Variants in LRRTM2 observed in about 807,000 individuals in gnomAD.
LRRTM2 encodes leucine rich repeat transmembrane neuronal 2, also known as leucine-rich repeat transmembrane neuronal protein 2.
LRRTM2 carries 14 observed loss-of-function variants against 40.7 expected under a neutral mutation model. The observed-to-expected ratio is 0.34, with a 90% confidence interval of 0.23 to 0.54. The LOEUF (loss-of-function observed/expected upper bound fraction) is 0.54. Among genes scored for constraint, LRRTM2 ranks in the 20% least tolerant of loss-of-function variants. LRRTM2 has a pLI of 0.92. For missense variants in LRRTM2, 468 were observed against 624.4 expected, an observed-to-expected ratio of 0.75 and a Z score of 2.67; for synonymous variants, 223 against 237.6, an observed-to-expected ratio of 0.94 and a Z score of 0.57.
rs370092949 is a variant in LRRTM2 at position 138,874,411 on chromosome 5, C to G, written c.150G>C (p.Gln50His). Reference protein sequence around the residue: ...CEKLLFYCDSQGFHSVPNATD... With the variant: ...CEKLLFYCDSHGFHSVPNATD... ...TGGCGTTTGGCACTGAGTGGAAGCC[C>G]TGAGAGTCGCAGTAGAAGAGCAGCT... The change falls in exon 2 of 2, where the codon CAG becomes CAC. Residue 50 changes from glutamine (Q) to histidine (H), a missense_variant. Transcript: ENST00000274711. This position sits in a 1 kb window ranked among gnomAD's most constrained non-coding sequence, Gnocchi z 4.1. 78 of 1,613,792 alleles carry G rather than the reference C, an allele frequency of 4.8e-5. No individual in the cohort carries two copies. The highest frequency in any genetic ancestry group is 6.4e-5 in the Non-Finnish European group (76 of 1,179,876).
At position 138,873,601 on chromosome 5, in the gene LRRTM2, A is replaced by G. The variant is rs1750914093; in HGVS notation, c.960T>C (p.Cys320=). 11 of 1,613,896 alleles carry G rather than the reference A, an allele frequency of 6.8e-6. No individual in the cohort carries two copies. The highest frequency in any genetic ancestry group is 9.3e-6 in the Non-Finnish European group (11 of 1,179,898). The change falls in exon 2 of 2, where the codon TGT becomes TGC. Residue 320 remains cysteine, a synonymous_variant. Coordinates refer to ENST00000274711, the MANE Select transcript of LRRTM2 (RefSeq NM_015564.3). The surrounding 1 kb of genome is among the most constrained non-coding windows in gnomAD (Gnocchi z 6.1). ...AACTGCCCAGCCAGGAGGCCAGAGCACATATTCGGGCGCTGCATTCCCACA... is the reference window on the plus strand; with the variant it reads ...AACTGCCCAGCCAGGAGGCCAGAGCGCATATTCGGGCGCTGCATTCCCACA... The part of the protein sequence containing the change: ...GNLWECSARI[C]ALASWLGSFQ...
At position 138,871,989 on chromosome 5, in the gene LRRTM2, G is replaced by A. The variant is rs1489223011; in HGVS notation, c.*1021C>T. 1 of 151,146 alleles carries A rather than the reference G, an allele frequency of 6.6e-6. No homozygotes were observed. The highest frequency in any genetic ancestry group is 2.0e-4 in the East Asian group (1 of 5,126). The allele number at this position is 151,146 out of a possible 1,614,324, so 9.4% of individuals were successfully genotyped here. Reference sequence around the variant, plus strand: ...AAGAGGTTTAAACCCCTTTGTCAAGGCATCTTTGATCATGATAGTTGAGAG... The same window carrying A: ...AAGAGGTTTAAACCCCTTTGTCAAGACATCTTTGATCATGATAGTTGAGAG... On this transcript the variant is annotated 3_prime_UTR_variant, in exon 2 of 2. Coordinates refer to ENST00000274711, the MANE Select transcript of LRRTM2 (RefSeq NM_015564.3).
Position 138,869,184 on chromosome 5 carries a change from A to AAC in LRRTM2, c.*3825_*3826insGT, listed in dbSNP as rs1554092703. The AAC allele has an allele frequency of 6.6e-5, 10 of 151,892 alleles. No homozygotes were observed. Among genetic ancestry groups the AAC allele is most frequent in the Non-Finnish European group, 1.3e-4 (9 of 67,956 alleles). The allele number at this position is 151,892 out of a possible 1,614,324, so 9.4% of individuals were successfully genotyped here. ...CCATATATCAGACTTAAAAAAAAAAAAAAAAACCGCTAAGGACAAAAATGT... is the reference window on the plus strand; with the variant it reads ...CCATATATCAGACTTAAAAAAAAAAAACAAAAAACCGCTAAGGACAAAAATGT... On this transcript the variant is annotated 3_prime_UTR_variant, in exon 2 of 2. Transcript: ENST00000274711.
Position 138,873,994 on chromosome 5 carries a change from G to A in LRRTM2, c.567C>T (p.Ser189=), listed in dbSNP as rs368174230. 84 of 1,613,974 alleles carry A rather than the reference G, an allele frequency of 5.2e-5. No individual in the cohort carries two copies. In the African/African-American group the frequency reaches 8.9e-4, roughly 17 times the overall value. The change falls in exon 2 of 2, where the codon AGC becomes AGT. Residue 189 remains serine (S), a synonymous_variant. Transcript: ENST00000274711. The surrounding 1 kb of genome is among the most constrained non-coding windows in gnomAD (Gnocchi z 6.1). The part of the protein sequence containing the change: ...DCRSLEFLDL[S]TNRLRSLARN... ...GAGCCAAACTTCGCAAACGATTTGT[G>A]CTCAAATCCAGAAACTCCAGACTAC...
In LRRTM2 at chr5:138,874,694, GA is replaced by G; in HGVS notation, c.5-139del. 1 of 746,242 alleles carries G rather than the reference GA, an allele frequency of 1.3e-6. No homozygotes were observed. The highest frequency in any genetic ancestry group is 2.7e-5 in the East Asian group (1 of 36,826). The allele number at this position is 746,242 out of a possible 1,614,324, so 46.2% of individuals were successfully genotyped here. A position where few individuals can be genotyped will look rare whatever the true frequency, so the allele number is the denominator to read the frequency against. On this transcript the variant is annotated intron_variant, in intron 1 of 1. Transcript: ENST00000274711. The surrounding 1 kb of genome is among the most constrained non-coding windows in gnomAD (Gnocchi z 4.1). ...TATAACTTATTTTTCATTTACTGCA[GA>G]AAAATTAACCTTATTGGTATGACTG...
At position 138,874,896 on chromosome 5, in the gene LRRTM2, G is replaced by A. The variant is rs371495848; in HGVS notation, c.4+12C>T. On this transcript the variant is annotated intron_variant, in intron 1 of 1. Transcript: ENST00000274711. This position sits in a 1 kb window ranked among gnomAD's most constrained non-coding sequence, Gnocchi z 4.1. ...TGTTGAATGTACAAGACATATAAAT[G>A]CACAGACTTACCCATTCTTCTGAGC... 2 of 1,612,136 alleles carry A rather than the reference G, an allele frequency of 1.2e-6. No homozygotes were observed. Among genetic ancestry groups the A allele is most frequent in the African/African-American group, 2.7e-5 (2 of 74,878 alleles).
rs1561621329 is a variant in LRRTM2, at chr5:138,873,698, T to C, written c.863A>G (p.Lys288Arg). The change falls in exon 2 of 2, where the codon AAG becomes AGG. Residue 288 changes from lysine to arginine, a missense_variant. Lys to Arg is a conservative substitution (Grantham distance 26). Coordinates refer to ENST00000274711, the MANE Select transcript of LRRTM2 (RefSeq NM_015564.3). The surrounding 1 kb of genome is among the most constrained non-coding windows in gnomAD (Gnocchi z 6.1). ...GATCTTGGAATCAAGGCTGTTTAACTTGTTGTTATCCATGAGGAGTATTTT... is the reference window on the plus strand; with the variant it reads ...GATCTTGGAATCAAGGCTGTTTAACCTGTTGTTATCCATGAGGAGTATTTT... ...NLKILLMDNN[K>R]LNSLDSKILN... 1 of 1,614,036 alleles carries C rather than the reference T, an allele frequency of 6.2e-7. No homozygotes were observed. Among genetic ancestry groups the C allele is most frequent in the South Asian group, 1.1e-5 (1 of 91,082 alleles).
Position 138,873,861 on chromosome 5 carries a change from G to T in LRRTM2, c.700C>A (p.Leu234Ile), listed in dbSNP as rs1750957261. The T allele has an allele frequency of 6.2e-7, 1 of 1,613,906 alleles. No individual in the cohort carries two copies. Among genetic ancestry groups the T allele is most frequent in the Admixed American group, 1.7e-5 (1 of 60,002 alleles). The change falls in exon 2 of 2, where the codon CTC becomes ATC. Residue 234 changes from leucine to isoleucine, a missense_variant. Transcript: ENST00000274711. This position sits in a 1 kb window ranked among gnomAD's most constrained non-coding sequence, Gnocchi z 6.1. ...HFLRLSSLHTLFLQWNKISNL... is the reference protein window; with the variant it reads ...HFLRLSSLHTIFLQWNKISNL... Reference sequence around the variant, plus strand: ...CTGATTTTGTTCCATTGTAAGAAGAGCGTGTGCAGACTGCTTAGCCGTAGG... The same window carrying T: ...CTGATTTTGTTCCATTGTAAGAAGATCGTGTGCAGACTGCTTAGCCGTAGG...
chr5:138,873,113 G>C lies in LRRTM2; in HGVS notation c.1448C>G (p.Pro483Arg), dbSNP rs779631552. 6.2e-7 allele frequency: 1 copy of C among 1,613,904 alleles called. No homozygotes were observed. Among genetic ancestry groups the C allele is most frequent in the Non-Finnish European group, 8.5e-7 (1 of 1,179,858 alleles). ...LHMSNMSDQG[P>R]YNEYEPTHEG... is the part of the protein sequence containing the mutation. ...ATGGGTGGGTTCATATTCATTATAC[G>C]GTCCTTGGTCTGACATGTTTGACAT... Residue 483 changes from proline (P) to arginine (R), a missense_variant, in exon 2 of 2, where the codon CCG becomes CGG. Pro to Arg is a moderately radical substitution (Grantham distance 103, BLOSUM62 -2). Transcript: ENST00000274711. This position sits in a 1 kb window ranked among gnomAD's most constrained non-coding sequence, Gnocchi z 6.1.
At position 138,869,342 on chromosome 5, in the gene LRRTM2, A is replaced by G. The variant is rs1014771285; in HGVS notation, c.*3668T>C. On this transcript the variant is annotated 3_prime_UTR_variant, in exon 2 of 2. Transcript: ENST00000274711. ...CCCAGGTTAGATAGAGAAATATTTA[A>G]TTATCTATAGATGGCCTTACTGTCT... The G allele has an allele frequency of 6.6e-6, 1 of 150,418 alleles. No homozygotes were observed. The highest frequency in any genetic ancestry group is 2.4e-5 in the African/African-American group (1 of 41,058). The allele number at this position is 150,418 out of a possible 1,614,324, so 9.3% of individuals were successfully genotyped here.
rs1214587892 is a variant in LRRTM2 at position 138,870,799 on chromosome 5, G to T, written c.*2211C>A. On this transcript the variant is annotated 3_prime_UTR_variant, in exon 2 of 2. Coordinates refer to ENST00000274711, the MANE Select transcript of LRRTM2 (RefSeq NM_015564.3). ...ATGGGTTGGTAAATTTTAGCTCGTG[G>T]TGCTCTTATTTGTAATAGGGGCTTC... The T allele has an allele frequency of 1.3e-5, 2 of 152,274 alleles. No homozygotes were observed. Among genetic ancestry groups the T allele is most frequent in the East Asian group, 3.9e-4 (2 of 5,188 alleles). The allele number at this position is 152,274 out of a possible 1,614,324, so 9.4% of individuals were successfully genotyped here.
In LRRTM2 at chr5:138,875,328, AC is replaced by A. The variant is rs1440776834; in HGVS notation, c.-418del. On this transcript the variant is annotated 5_prime_UTR_variant, in exon 1 of 2. Transcript: ENST00000274711. ...CTGAAAAGCTTTTCCGAGAAACGGCACAAGAATGGATTTGCTTATGTGCTGC... is the reference window on the plus strand; with the variant it reads ...CTGAAAAGCTTTTCCGAGAAACGGCAAAGAATGGATTTGCTTATGTGCTGC... The A allele has an allele frequency of 1.1e-6, 1 of 940,018 alleles. No homozygotes were observed. The highest frequency in any genetic ancestry group is 1.3e-6 in the Non-Finnish European group (1 of 782,490). The allele number at this position is 940,018 out of a possible 1,614,324, so 58.2% of individuals were successfully genotyped here. A position where few individuals can be genotyped will look rare whatever the true frequency, so the allele number is the denominator to read the frequency against.
chr5:138,875,328 A>G lies in LRRTM2; in HGVS notation c.-417T>C. 1.1e-6 allele frequency: 1 copy of G among 940,136 alleles called. No homozygotes were observed. Among genetic ancestry groups the G allele is most frequent in the African/African-American group, 1.8e-5 (1 of 56,250 alleles). 58.2% of individuals were successfully genotyped at this position (940,136 alleles called of 1,614,324 possible). A position where few individuals can be genotyped will look rare whatever the true frequency, so the allele number is the denominator to read the frequency against. On this transcript the variant is annotated 5_prime_UTR_variant, in exon 1 of 2. Coordinates refer to ENST00000274711, the MANE Select transcript of LRRTM2 (RefSeq NM_015564.3). ...CTGAAAAGCTTTTCCGAGAAACGGC[A>G]CAAGAATGGATTTGCTTATGTGCTG...
rs1489428732 is a variant in LRRTM2 at position 138,872,798 on chromosome 5, G to C, written c.*212C>G. 2 of 447,224 alleles carry C rather than the reference G, an allele frequency of 4.5e-6. No individual in the cohort carries two copies. Among genetic ancestry groups the C allele is most frequent in the Non-Finnish European group, 7.8e-6 (2 of 254,998 alleles). 27.7% of individuals were successfully genotyped at this position (447,224 alleles called of 1,614,324 possible). ...AAGCATTTTAGACTTTCCAACAGGA[G>C]TGCAAATTAATGTGAGCATTGATTC... On this transcript the variant is annotated 3_prime_UTR_variant, in exon 2 of 2. Transcript: ENST00000274711.
Position 138,872,793 on chromosome 5 carries a change from C to T in LRRTM2, c.*217G>A. On this transcript the variant is annotated 3_prime_UTR_variant, in exon 2 of 2. Coordinates refer to ENST00000274711, the MANE Select transcript of LRRTM2 (RefSeq NM_015564.3). Reference sequence around the variant, plus strand: ...GAAGTAAGCATTTTAGACTTTCCAACAGGAGTGCAAATTAATGTGAGCATT... The same window carrying T: ...GAAGTAAGCATTTTAGACTTTCCAATAGGAGTGCAAATTAATGTGAGCATT... The T allele has an allele frequency of 2.3e-6, 1 of 437,422 alleles. No individual in the cohort carries two copies. The highest frequency in any genetic ancestry group is 4.0e-6 in the Non-Finnish European group (1 of 248,854). 27.1% of individuals were successfully genotyped at this position (437,422 alleles called of 1,614,324 possible).
Position 138,875,067 on chromosome 5 carries a change from T to C in LRRTM2, c.-156A>G. 1.5e-6 allele frequency: 1 copy of C among 668,836 alleles called. No homozygotes were observed. The highest frequency in any genetic ancestry group is 2.0e-5 in the South Asian group (1 of 49,480). 41.4% of individuals were successfully genotyped at this position (668,836 alleles called of 1,614,324 possible). A position where few individuals can be genotyped will look rare whatever the true frequency, so the allele number is the denominator to read the frequency against. On this transcript the variant is annotated 5_prime_UTR_variant, in exon 1 of 2. Coordinates refer to ENST00000274711, the MANE Select transcript of LRRTM2 (RefSeq NM_015564.3). ...AAATTGAATCCACCAGGACGAGTTG[T>C]TTTTTCCTTAGGATATCCCTCTGGA...
In LRRTM2 at chr5:138,874,961, C is replaced by T. The variant is rs1227839773; in HGVS notation, c.-50G>A. Reference sequence around the variant, plus strand: ...ATTCAGTCGCGGTTGTTAGACTCAACGCAGTGAGTCTGTAAAAGGCTCTAA... The same window carrying T: ...ATTCAGTCGCGGTTGTTAGACTCAATGCAGTGAGTCTGTAAAAGGCTCTAA... On this transcript the variant is annotated 5_prime_UTR_variant, in exon 1 of 2. Transcript: ENST00000274711. The surrounding 1 kb of genome is among the most constrained non-coding windows in gnomAD (Gnocchi z 4.1). The T allele has an allele frequency of 2.1e-5, 33 of 1,601,180 alleles. No homozygotes were observed. Among genetic ancestry groups the T allele is most frequent in the Non-Finnish European group, 2.5e-5 (29 of 1,169,452 alleles).
chr5:138,872,068 G>GTGTA lies in LRRTM2; in HGVS notation c.*941_*942insTACA, dbSNP rs1491405683. ...TGTGTGTGTGTGTGTGTGTGTGTGT[G>GTGTA]CGCTTTTAAATTGGAGGGAGCATGT... On this transcript the variant is annotated 3_prime_UTR_variant, in exon 2 of 2. Coordinates refer to ENST00000274711, the MANE Select transcript of LRRTM2 (RefSeq NM_015564.3). 2 of 70,508 alleles carry GTGTA rather than the reference G, an allele frequency of 2.8e-5. No homozygotes were observed. Among genetic ancestry groups the GTGTA allele is most frequent in the Non-Finnish European group, 6.1e-5 (2 of 32,646 alleles). The allele number at this position is 70,508 out of a possible 1,614,324, so 4.4% of individuals were successfully genotyped here.
chr5:138,874,320 A>G lies in LRRTM2; in HGVS notation c.241T>C (p.Phe81Leu), dbSNP rs1308263536. The change falls in exon 2 of 2, where the codon TTT (phenylalanine) becomes CTT (leucine). Residue 81 changes from phenylalanine (F) to leucine (L), a missense_variant. Coordinates refer to ENST00000274711, the MANE Select transcript of LRRTM2 (RefSeq NM_015564.3). This position sits in a 1 kb window ranked among gnomAD's most constrained non-coding sequence, Gnocchi z 4.1. ...CAAGTAAGTTGACTGAAGCTGGCAA[A>G]TTGATCTCTTTCGAGCTCTGTGATG... is the stretch of plus-strand genomic sequence containing the variant. ...NHITELERDQ[F>L]ASFSQLTWLH... The G allele has an allele frequency of 4.3e-6, 7 of 1,614,038 alleles. No homozygotes were observed. Among genetic ancestry groups the G allele is most frequent in the Non-Finnish European group, 5.9e-6 (7 of 1,179,902 alleles).
Sources: gnomAD v4.1 joint callset for allele counts on GRCh38, gnomAD v4.1.1 for gene constraint, Gnocchi (gnomAD v3.1) non-coding constraint, MANE v1.5 for transcripts, NCBI Gene and HGNC (gene_info 2026-07-23, HGNC 2026-07-21) for gene names.